The following RPTOR variants were observed in gnomAD, a reference collection of about 807,000 sequenced individuals.
RPTOR encodes regulatory associated protein of MTOR complex 1, also known as regulatory-associated protein of mTOR.
RPTOR carries 21 observed loss-of-function variants against 169.9 expected under a neutral mutation model. That is an observed-to-expected ratio of 0.12 (90% CI 0.09 to 0.18). The LOEUF is 0.18. Ranked by LOEUF, RPTOR falls within the 10% of genes least tolerant of loss-of-function variation. The probability of loss-of-function intolerance (pLI) is 1.00; values close to 1 mark genes in which losing one functional copy is unlikely to be tolerated. For missense variants in RPTOR, 1,133 were observed against 1,855.9 expected (o/e 0.61, Z 7.16); for synonymous variants, 732 against 753.2 (o/e 0.97, Z 0.46).
intron 1 of RPTOR, among the ~76,000 whole-genome samples, chr17:80,548,965 T>G (rs1276344835): frequency 6.6e-6 from 1 of 152,242 alleles, no homozygotes; most frequent in East Asian, 1.9e-4. Context: ...TGGCTCCTAT[T>G]TAGTAGCCTT....
intron 29 of RPTOR, among the ~76,000 whole-genome samples, chr17:80,958,406 T>C (rs1166159424): frequency 1.5e-4 from 7 of 47,876 alleles, no homozygotes; most frequent in East Asian, 3.2e-4. Context: ...TTTTTGTTTC[T>C]TTTTTTTTTT....
intron 24 of RPTOR, among the ~76,000 whole-genome samples, chr17:80,929,105 A>G (rs1020687910): frequency 6.6e-6 from 1 of 152,280 alleles, no homozygotes; most frequent in Admixed American, 6.5e-5. Context: ...AAAGTTGAAA[A>G]GAATCACTTA....
intron 1 of RPTOR, among the ~76,000 whole-genome samples, chr17:80,595,542 A>G (rs571525905): frequency 1.6e-4 from 24 of 152,212 alleles, no homozygotes; most frequent in African/African-American, 5.1e-4. Context: ...TGCAGCCTCA[A>G]CCTCCTGGGC....
chr17:80,655,492 T>C (rs1318059307), intron 3 of RPTOR, among the ~76,000 whole-genome samples: 1 of 152,104 alleles, frequency 6.6e-6, no homozygotes, highest in East Asian at 1.9e-4. Context: ...AGCCTCAACC[T>C]CCTGGGCTCA....
intron 11 of RPTOR, among the ~76,000 whole-genome samples, chr17:80,853,751 G>T (rs2143737991): frequency 6.6e-6 from 1 of 152,316 alleles, no homozygotes; most frequent in Non-Finnish European, 1.5e-5. Context: ...GGCCAAGGCG[G>T]GTGGATCACA....
intron 1 of RPTOR, among the ~76,000 whole-genome samples, chr17:80,574,446 G>A (rs1424347888): frequency 2.0e-5 from 3 of 151,516 alleles, no homozygotes; most frequent in South Asian, 2.1e-4. Context: ...GATTACAGGC[G>A]TGAGCCACCG....
chr17:80,700,867 G>A (rs2066095111), intron 3 of RPTOR, among the ~76,000 whole-genome samples: 1 of 151,594 alleles, frequency 6.6e-6, no homozygotes, highest in South Asian at 2.1e-4. Context: ...TGGTAGTGGT[G>A]GTTTGGTAGT....
intron 21 of RPTOR, among the ~76,000 whole-genome samples, chr17:80,921,932 G>T (rs1567988055): frequency 6.6e-6 from 1 of 152,190 alleles, no homozygotes; most frequent in Non-Finnish European, 1.5e-5. Context: ...GTGCGCCCGT[G>T]GGAAAGGATG....
intron 1 of RPTOR, among the ~76,000 whole-genome samples, chr17:80,582,894 CTA>C (rs953667305): frequency 4.0e-5 from 6 of 150,954 alleles, no homozygotes; most frequent in African/African-American, 1.5e-4. Context: ...TTTTTAGTCT[CTA>C]TTATTCTTTC....
chr17:80,551,845 A>C (rs1045190838), intron 1 of RPTOR, among the ~76,000 whole-genome samples: 24 of 152,132 alleles, frequency 1.6e-4, no homozygotes, highest in Non-Finnish European at 2.2e-4. Context: ...CTTGGACAAT[A>C]CCTGGCTTTC....
chr17:80,633,295 C>T lies in RPTOR; in HGVS notation c.265+7502C>T, dbSNP rs371858343. Among the ~76,000 whole-genome samples, 2 of 152,190 alleles carry T rather than the reference C, an allele frequency of 1.3e-5. No homozygotes were observed. Among genetic ancestry groups the T allele is most frequent in the African/African-American group, 2.4e-5 (1 of 41,444 alleles). ...CAAAATCAAGGAGCATTCGCGTGGA[C>T]GTGTGACTGCCACGTAAGCGTCCGC... On this transcript the variant is annotated intron_variant, in intron 2 of 33. Transcript: ENST00000306801. This position sits in a 1 kb window ranked among gnomAD's most constrained non-coding sequence, Gnocchi z 4.1.
chr17:80,860,886 G>GT lies in RPTOR; in HGVS notation c.1509+2986_1509+2987insT, dbSNP rs1555627949. Among the ~76,000 whole-genome samples, 13 of 146,890 alleles carry GT rather than the reference G, an allele frequency of 8.9e-5. No homozygotes were observed. The highest frequency in any genetic ancestry group is 1.4e-4 in the Non-Finnish European group (9 of 65,164). On this transcript the variant is annotated intron_variant, in intron 13 of 33. Transcript: ENST00000306801. The surrounding 1 kb of genome is among the most constrained non-coding windows in gnomAD (Gnocchi z 5.8). ...ACCGTGCTTGCCATCTCTCCCAGCT[G>GT]CTCCTGATTTCCTGAGCTGGATGCG...
rs552330213 is a variant in RPTOR, at chr17:80,617,902, A to G, written c.163-7789A>G. Among the ~76,000 whole-genome samples the G allele has an allele frequency of 4.6e-5, 7 of 152,260 alleles. No individual in the cohort carries two copies. The East Asian group carries it at 1.4e-3, about 29-fold the overall frequency. On this transcript the variant is annotated intron_variant, in intron 1 of 33. Coordinates refer to ENST00000306801, the MANE Select transcript of RPTOR (RefSeq NM_020761.3). ...TCACACACCCGCACCAGGGCTGACC[A>G]TTTGTTTTTGGAGGAACCACAAAAG...
intron 3 of RPTOR, among the ~76,000 whole-genome samples, chr17:80,674,779 C>A (rs2065848171): frequency 1.8e-5 from 2 of 109,666 alleles, no homozygotes; most frequent in Admixed American, 1.4e-4. Context: ...CAGAGCAAGA[C>A]TCTGTCTCAA....
At chr17:80,779,404 A>G (rs1316560143) in intron 6 of RPTOR, among the ~76,000 whole-genome samples, 4 of 152,194 alleles carry the variant, frequency 2.6e-5, no homozygotes, top group Non-Finnish European at 5.9e-5. Flanking sequence ...GGAGAACCGA[A>G]GAGAGAGACT....
At chr17:80,946,150 A>C (rs1423430814) in intron 26 of RPTOR, among the ~76,000 whole-genome samples, 1 of 152,200 alleles carries the variant, frequency 6.6e-6, no homozygotes, top group East Asian at 1.9e-4. Flanking sequence ...AGAAGATGCT[A>C]GGTGCCCCAG....
At chr17:80,808,524 A>G (rs1003002731) in intron 7 of RPTOR, among the ~76,000 whole-genome samples, 2 of 152,176 alleles carry the variant, frequency 1.3e-5, no homozygotes, top group African/African-American at 4.8e-5. Flanking sequence ...CTTTGTTTTC[A>G]CGTTTTCAAA....
At position 80,861,329 on chromosome 17, in the gene RPTOR, G is replaced by A. The variant is rs1378804364; in HGVS notation, c.1509+3429G>A. On this transcript the variant is annotated intron_variant, in intron 13 of 33. Coordinates refer to ENST00000306801, the MANE Select transcript of RPTOR (RefSeq NM_020761.3). This position sits in a 1 kb window ranked among gnomAD's most constrained non-coding sequence, Gnocchi z 4.5. The stretch of plus-strand genomic sequence containing the variant: ...AGGAACAGGAACAGGACCAGGAAGG[G>A]GCACCACGTAAATCTCACATCTCTC... 1.4e-5 allele frequency among the ~76,000 whole-genome samples: 2 copies of A among 144,498 alleles called. No individual in the cohort carries two copies. The highest frequency in any genetic ancestry group is 4.9e-5 in the African/African-American group (2 of 40,896). The allele number at this position is 144,498 out of a possible 152,430, so 94.8% of individuals were successfully genotyped here.
intron 3 of RPTOR, among the ~76,000 whole-genome samples, chr17:80,683,110 C>T (rs1567855188): frequency 1.3e-5 from 2 of 152,208 alleles, no homozygotes; most frequent in Non-Finnish European, 2.9e-5. Context: ...TGATCGAATT[C>T]ATTTCTTAGC....
Sources: allele counts gnomAD v4.1 joint callset (sites outside exome capture counted in the v4.1 genomes callset), GRCh38; gene constraint gnomAD v4.1.1; non-coding constraint Gnocchi (gnomAD v3.1); transcripts MANE v1.5; gene names NCBI Gene and HGNC (gene_info 2026-07-23, HGNC 2026-07-21).